Variants in PIBF1 observed in about 807,000 individuals in gnomAD.
PIBF1 encodes progesterone-induced-blocking factor 1.
Under a neutral mutation model 112.5 loss-of-function variants are expected in PIBF1, and 90 were observed. That is an observed-to-expected ratio of 0.80 (90% confidence interval 0.67 to 0.95). The LOEUF (loss-of-function observed/expected upper bound fraction) is 0.95. PIBF1 is among the 40% of genes least tolerant of loss of function. The pLI is 0.00. For synonymous variants in PIBF1, 301 were observed against 288.6 expected, an observed-to-expected ratio of 1.04 and a Z score of -0.44; for missense variants, 915 against 852.3, an observed-to-expected ratio of 1.07 and a Z score of -0.92.
At chr13:72,993,504 C>T (rs940811380) in intron 16 of PIBF1, among the ~76,000 whole-genome samples, 1 of 151,894 alleles carries the variant, frequency 6.6e-6, no homozygotes, top group Non-Finnish European at 1.5e-5. Flanking sequence ...AGAAGATTCT[C>T]GCAAGAAAGA....
At chr13:72,960,083 A>G (rs1028091909) in intron 14 of PIBF1, among the ~76,000 whole-genome samples, 1 of 152,226 alleles carries the variant, frequency 6.6e-6, no homozygotes, top group African/African-American at 2.4e-5. Context: ...TGACAAATGA[A>G]AATCAACTTT....
chr13:72,926,589 C>T (rs1196487291), intron 13 of PIBF1, among the ~76,000 whole-genome samples: 1 of 152,202 alleles, frequency 6.6e-6, no homozygotes, highest in East Asian at 1.9e-4. Context: ...GTCTAACCAA[C>T]TTCAGGATAA....
At chr13:72,828,427 GCCCCCCACTC>G (rs2036932997) in intron 8 of PIBF1, among the ~76,000 whole-genome samples, 2 of 151,768 alleles carry the variant, frequency 1.3e-5, no homozygotes, top group African/African-American at 4.8e-5. Flanking sequence ...CCCTCCCCTA[GCCCCCCACTC>G]CCCGACAGGC....
At chr13:72,933,279 A>G (rs1380140975) in intron 14 of PIBF1, among the ~76,000 whole-genome samples, 1 of 152,194 alleles carries the variant, frequency 6.6e-6, no homozygotes, top group Non-Finnish European at 1.5e-5. Flanking sequence ...GCTCATGCCT[A>G]TTATCCCAGC....
At chr13:72,787,205 T>G (rs2034647126) in intron 2 of PIBF1, among the ~76,000 whole-genome samples, 1 of 152,240 alleles carries the variant, frequency 6.6e-6, no homozygotes, top group Admixed American at 6.5e-5. Flanking sequence ...TATTTGTTTA[T>G]GTATAAATTG....
chr13:72,922,060 A>T (rs1380011112), intron 13 of PIBF1, among the ~76,000 whole-genome samples: 2 of 152,062 alleles, frequency 1.3e-5, no homozygotes, highest in East Asian at 3.9e-4. Flanking sequence ...GTTCACTCTC[A>T]TCTCAAACTC....
chr13:72,789,253 C>T (rs1245350174), intron 2 of PIBF1, among the ~76,000 whole-genome samples: 1 of 152,118 alleles, frequency 6.6e-6, no homozygotes, highest in South Asian at 2.1e-4. Flanking sequence ...GGCTTGATCA[C>T]AGCTCTCTGC....
chr13:72,827,238 ATTTTTTTTTTT>A (rs35211035), intron 7 of PIBF1, 120 bp downstream of exon 7: 8 of 141,910 alleles, frequency 5.6e-5, no homozygotes, highest in Middle Eastern at 3.0e-3. Context: ...AAAAAGATAA[ATTTTTTTTTTT>A]TTTTTTTTTT....
chr13:72,797,891 T>C lies in PIBF1; in HGVS notation c.553-16T>C. ...ATTTGGATTTAAGACTGCTTATTAA[T>C]TTAATTTTTTTCAAGGTTCGCTTCT... On this transcript the variant is annotated splice_polypyrimidine_tract_variant and intron_variant, in intron 4 of 17. Transcript: ENST00000326291. 1 of 1,573,018 alleles carries C rather than the reference T, an allele frequency of 6.4e-7. No homozygotes were observed. Among genetic ancestry groups the C allele is most frequent in the Non-Finnish European group, 8.6e-7 (1 of 1,163,800 alleles).
chr13:72,810,345 TAATA>T (rs1434793778), intron 5 of PIBF1, among the ~76,000 whole-genome samples: 1 of 152,198 alleles, frequency 6.6e-6, no homozygotes, highest in Non-Finnish European at 1.5e-5. Flanking sequence ...AATCTGCACT[TAATA>T]AAACTATTAA....
At chr13:72,903,139 T>G (rs1369972679) in intron 11 of PIBF1, among the ~76,000 whole-genome samples, 1 of 152,012 alleles carries the variant, frequency 6.6e-6, no homozygotes, top group African/African-American at 2.4e-5. Context: ...CTCAAGTGAT[T>G]CCCCCTGCCT....
chr13:72,981,847 T>A (rs2043165460), intron 16 of PIBF1, among the ~76,000 whole-genome samples: 1 of 152,222 alleles, frequency 6.6e-6, no homozygotes. Context: ...ATTGTAAGAC[T>A]GGCATTACCT....
At chr13:72,812,906 A>T (rs763312999) in intron 5 of PIBF1, among the ~76,000 whole-genome samples, 28 of 152,118 alleles carry the variant, frequency 1.8e-4, no homozygotes, top group Non-Finnish European at 3.7e-4. Flanking sequence ...GTGAGCCAAG[A>T]TCGCACCACT....
chr13:72,783,934 GGA>G (rs2034448196), intron 2 of PIBF1, among the ~76,000 whole-genome samples: 3 of 152,096 alleles, frequency 2.0e-5, no homozygotes, highest in Non-Finnish European at 4.4e-5. Context: ...GGAGGGTTGG[GGA>G]GATGTTGGTC....
At chr13:72,943,453 T>TTTGTG in intron 14 of PIBF1, among the ~76,000 whole-genome samples, 1 of 152,348 alleles carries the variant, frequency 6.6e-6, no homozygotes, top group African/African-American at 2.4e-5. Flanking sequence ...ATATCACATA[T>TTTGTG]ACCCTATGCA....
At chr13:72,946,636 G>C (rs1424433795) in intron 14 of PIBF1, among the ~76,000 whole-genome samples, 1 of 152,172 alleles carries the variant, frequency 6.6e-6, no homozygotes, top group South Asian at 2.1e-4. Context: ...AGATACAGTG[G>C]GGGTACAGGC....
intron 11 of PIBF1, among the ~76,000 whole-genome samples, 179 bp from the exon 12 acceptor site, chr13:72,908,352 T>A (rs1289325100): frequency 6.6e-6 from 1 of 152,180 alleles, no homozygotes; most frequent in African/African-American, 2.4e-5. Flanking sequence ...TAAAAACAAC[T>A]GAATTATTTA....
intron 5 of PIBF1, 77 bp from the exon 6 acceptor site, chr13:72,821,772 G>C (rs2036565540): frequency 9.5e-7 from 1 of 1,051,756 alleles, no homozygotes. Context: ...CAGCTTAACA[G>C]AAGACTTCAA....
chr13:72,973,577 GT>G lies in PIBF1; in HGVS notation c.1965-4del, dbSNP rs376654507. 6.2e-4 allele frequency: 742 copies of G among 1,206,318 alleles called. No homozygotes were observed. Among genetic ancestry groups the G allele is most frequent in the Middle Eastern group, 1.3e-3 (6 of 4,720 alleles). The allele number at this position is 1,206,318 out of a possible 1,614,324, so 74.7% of individuals were successfully genotyped here. A position where few individuals can be genotyped will look rare whatever the true frequency, so the allele number is the denominator to read the frequency against. ...AACATAATGACTTTTTAAAACTGGG[GT>G]TTTTTTTTTCAGCAACTTAAATAAA... On this transcript the variant is annotated splice_polypyrimidine_tract_variant and intron_variant, in intron 15 of 17. Coordinates refer to ENST00000326291, the MANE Select transcript of PIBF1 (RefSeq NM_006346.4).
Sources: gnomAD v4.1 joint callset for allele counts (sites outside exome capture counted in the v4.1 genomes callset) on GRCh38, gnomAD v4.1.1 for gene constraint, MANE v1.5 for transcripts, NCBI Gene and HGNC (gene_info 2026-07-23, HGNC 2026-07-21) for gene names.